Variants in COMT observed in about 807,000 individuals in gnomAD.
COMT encodes the protein catechol O-methyltransferase.
COMT carries 13 observed loss-of-function variants against 18.9 expected under a neutral mutation model. The ratio of observed to expected loss-of-function variants is 0.69; its 90% CI spans 0.45 to 1.09. The LOEUF is 1.09. Ranked by LOEUF, COMT falls within the 50% of genes least tolerant of loss-of-function variation. The probability of loss-of-function intolerance (pLI) is 0.00; values close to 1 mark genes in which losing one functional copy is unlikely to be tolerated. For synonymous variants in COMT, 150 were observed against 160.9 expected (o/e 0.93, Z 0.51); for missense variants, 329 against 361.8 (o/e 0.91, Z 0.73).
chr22:19,954,949 G>C (rs1269964663), intron 1 of COMT, among the ~76,000 whole-genome samples: 2 of 152,164 alleles, frequency 1.3e-5, no homozygotes, highest in Non-Finnish European at 2.9e-5. Context: ...AGTGGCAGGA[G>C]GGGGACACTC....
intron 1 of COMT, among the ~76,000 whole-genome samples, chr22:19,950,167 A>G (rs1197666718): frequency 4.0e-5 from 6 of 150,100 alleles, no homozygotes; most frequent in Admixed American, 3.3e-4. Flanking sequence ...AACACAACTC[A>G]CTAGTTTATA....
chr22:19,964,358 C>T, intron 5 of COMT, 59 bp downstream of exon 5: 1 of 1,612,210 alleles, frequency 6.2e-7, no homozygotes, highest in Non-Finnish European at 8.5e-7. Context: ...ATTCAGTCAG[C>T]CTCAGCCTCT....
At chr22:19,948,954 CAAA>C (rs71186636) in intron 1 of COMT, among the ~76,000 whole-genome samples, 83 of 86,870 alleles carry the variant, frequency 9.6e-4, no homozygotes, top group African/African-American at 2.4e-3. Context: ...GACTCTGTCT[CAAA>C]AAAAAAAAAA....
intron 1 of COMT, among the ~76,000 whole-genome samples, chr22:19,957,491 A>T (rs1942090082): frequency 6.6e-6 from 1 of 152,228 alleles, no homozygotes; most frequent in Non-Finnish European, 1.5e-5. Context: ...TGACCAGGTG[A>T]CAGAGGTGAT....
At chr22:19,957,331 G>C (rs953160342) in intron 1 of COMT, among the ~76,000 whole-genome samples, 1 of 152,128 alleles carries the variant, frequency 6.6e-6, no homozygotes, top group Non-Finnish European at 1.5e-5. Context: ...AGGATGCCTT[G>C]AGCCTGGGAG....
At position 19,963,651 on chromosome 22, in the gene COMT, C is replaced by A; in HGVS notation, c.375C>A (p.Arg125=). 6.2e-7 allele frequency: 1 copy of A among 1,612,950 alleles called. No individual in the cohort carries two copies. ...CCTACTGTGGCTACTCAGCTGTGCG[C>A]ATGGCCCGCCTGCTGTCACCAGGGG... ...LGAYCGYSAV[R]MARLLSPGAR... is the part of the protein sequence containing the mutation. Residue 125 remains arginine, a synonymous_variant, in exon 4 of 6, where the codon CGC becomes CGA. Transcript: ENST00000361682.
intron 3 of COMT, 28 bp downstream of exon 3, chr22:19,962,843 C>T: frequency 6.9e-6 from 11 of 1,587,874 alleles, no homozygotes; most frequent in Non-Finnish European, 9.5e-6. Context: ...AGGTGCTCAG[C>T]TCTGGGACAG....
At chr22:19,946,915 T>C (rs1458981601) in intron 1 of COMT, among the ~76,000 whole-genome samples, 1 of 143,092 alleles carries the variant, frequency 7.0e-6, no homozygotes, top group Non-Finnish European at 1.5e-5. Context: ...TTTTAGTTTT[T>C]TTTTTTTTTT....
rs1209308188 is a variant in COMT, at chr22:19,962,796, GA to G, written c.272del (p.Asn91ThrfsTer13). On this transcript the variant is annotated frameshift_variant, in exon 3 of 6. Coordinates refer to ENST00000361682, the MANE Select transcript of COMT (RefSeq NM_000754.4). LOFTEE classifies it high-confidence loss of function. Reference protein sequence around the residue: ...TYCEQKEWAMNVGDKKGKIVD... With the variant: ...TYCEQKEWAMXVGDKKGKIVD... The stretch of plus-strand genomic sequence containing the variant: ...ACTGCGAGCAGAAGGAGTGGGCCAT[GA>G]ACGTGGGCGACAAGAAAGGTGGGGT... 1 of 1,605,414 alleles carries G rather than the reference GA, an allele frequency of 6.2e-7. No individual in the cohort carries two copies. Among genetic ancestry groups the G allele is most frequent in the African/African-American group, 1.3e-5 (1 of 74,826 alleles).
At chr22:19,963,883 G>C (rs950939396) in intron 4 of COMT, 124 bp downstream of exon 4, 2 of 1,309,800 alleles carry the variant, frequency 1.5e-6, no homozygotes, top group Non-Finnish European at 2.1e-6. Context: ...ACTATCACCA[G>C]GCCCCTCAGT....
Position 19,941,860 on chromosome 22 carries a change from G to T in COMT, c.-129G>T. 3 of 1,454,410 alleles carry T rather than the reference G, an allele frequency of 2.1e-6. No individual in the cohort carries two copies. The highest frequency in any genetic ancestry group is 2.7e-6 in the Non-Finnish European group (3 of 1,111,286). The allele number at this position is 1,454,410 out of a possible 1,614,324, so 90.1% of individuals were successfully genotyped here. The stretch of plus-strand genomic sequence containing the variant: ...CCCGCCGCGCTGCCTGCGCCGGACC[G>T]GGGCGGGTCCAGTCCCGGGCGGGCC... On this transcript the variant is annotated 5_prime_UTR_variant, in exon 1 of 6. Transcript: ENST00000361682.
intron 1 of COMT, among the ~76,000 whole-genome samples, chr22:19,953,092 G>A (rs1359287095): frequency 1.3e-5 from 2 of 152,192 alleles, no homozygotes; most frequent in Non-Finnish European, 2.9e-5. Flanking sequence ...GCTCAGAGGA[G>A]CCTGGCCGGA....
chr22:19,967,883 C>A (rs1447504689), intron 5 of COMT, among the ~76,000 whole-genome samples: 1 of 152,224 alleles, frequency 6.6e-6, no homozygotes, highest in South Asian at 2.1e-4. Flanking sequence ...AGGTTTCTCC[C>A]GATAGTGGAC....
At chr22:19,953,856 C>T (rs923820366) in intron 1 of COMT, among the ~76,000 whole-genome samples, 1 of 152,134 alleles carries the variant, frequency 6.6e-6, no homozygotes, top group African/African-American at 2.4e-5. Context: ...GCAGGTTGAC[C>T]TGCAGGGGGC....
At chr22:19,947,953 A>G (rs1313426918) in intron 1 of COMT, among the ~76,000 whole-genome samples, 1 of 152,232 alleles carries the variant, frequency 6.6e-6, no homozygotes, top group African/African-American at 2.4e-5. Flanking sequence ...CTGTCCGGGC[A>G]TAACAGAAGG....
intron 1 of COMT, among the ~76,000 whole-genome samples, chr22:19,948,224 T>C (rs1941871663): frequency 6.6e-6 from 1 of 152,350 alleles, no homozygotes; most frequent in South Asian, 2.1e-4. Context: ...CCTCGGCACC[T>C]GGGCGACTTG....
intron 1 of COMT, among the ~76,000 whole-genome samples, chr22:19,946,916 T>G (rs1289694299): frequency 2.1e-5 from 3 of 143,410 alleles, no homozygotes; most frequent in Non-Finnish European, 3.1e-5. Flanking sequence ...TTTAGTTTTT[T>G]TTTTTTTTTT....
Position 19,968,520 on chromosome 22 carries a change from C to A in COMT, c.616-16C>A. On this transcript the variant is annotated splice_polypyrimidine_tract_variant and intron_variant, in intron 5 of 5. Transcript: ENST00000361682. Reference sequence around the variant, plus strand: ...CCTCTGACCCTCACCTCCCCCACCCCCCGGTCTGTTTGCAGGAATGTGGCC... The same window carrying A: ...CCTCTGACCCTCACCTCCCCCACCCACCGGTCTGTTTGCAGGAATGTGGCC... The A allele has an allele frequency of 6.2e-7, 1 of 1,612,436 alleles. No homozygotes were observed.
chr22:19,953,269 T>C (rs947061591), intron 1 of COMT, among the ~76,000 whole-genome samples: 107 of 152,242 alleles, frequency 7.0e-4, no homozygotes, highest in African/African-American at 2.5e-3. Context: ...CAGAGCCTGG[T>C]CCAGATGCTG....
Sources: gnomAD v4.1 joint callset for allele counts (sites outside exome capture counted in the v4.1 genomes callset) on GRCh38, gnomAD v4.1.1 for gene constraint, MANE v1.5 for transcripts, NCBI Gene and HGNC (gene_info 2026-07-23, HGNC 2026-07-21) for gene names.